The following NLRC5 variants were observed in gnomAD, a reference collection of about 807,000 sequenced individuals.
The protein encoded by NLRC5 is NLR family CARD domain containing 5, also known as protein NLRC5.
In NLRC5, 114 loss-of-function variants were observed where a neutral mutation model predicts 206.9. The observed-to-expected ratio is 0.55, with a 90% CI of 0.47 to 0.64. The LOEUF is 0.64. Among genes scored for constraint, NLRC5 ranks in the 30% least tolerant of loss-of-function variants. The pLI is 0.00. For missense variants in NLRC5, 2,008 were observed against 2,305.5 expected, an observed-to-expected ratio of 0.87 and a Z score of 2.64; for synonymous variants, 952 against 962.8, an observed-to-expected ratio of 0.99 and a Z score of 0.21.
Position 57,047,752 on chromosome 16 carries a change from A to G in NLRC5, c.3422+124A>G, listed in dbSNP as rs1254764577. On this transcript the variant is annotated intron_variant, in intron 23 of 48. Coordinates refer to ENST00000688547, the MANE Select transcript of NLRC5 (RefSeq NM_001384950.1). The stretch of plus-strand genomic sequence containing the variant: ...GATTTCTTCCCACCAGCCCTGCCCC[A>G]TGAGAGTCCCCTGGCCTTTGGTAGA... The G allele has an allele frequency of 8.7e-6, 7 of 804,120 alleles. No homozygotes were observed. In the African/African-American group the frequency reaches 1.0e-4, roughly 12 times the overall value. The allele number at this position is 804,120 out of a possible 1,614,324, so 49.8% of individuals were successfully genotyped here. A position where few individuals can be genotyped will look rare whatever the true frequency, so the allele number is the denominator to read the frequency against.
chr16:57,069,854 G>A lies in NLRC5; in HGVS notation c.4518G>A (p.Val1506=). 2 of 1,604,082 alleles carry A rather than the reference G, an allele frequency of 1.2e-6. No homozygotes were observed. Among genetic ancestry groups the A allele is most frequent in the Non-Finnish European group, 8.5e-7 (1 of 1,176,126 alleles). Residue 1506 remains valine, a synonymous_variant, in exon 37 of 49, where the codon GTG becomes GTA. Coordinates refer to ENST00000688547, the MANE Select transcript of NLRC5 (RefSeq NM_001384950.1). ...CCACCAGGCTGACCTCCAGCTGTGTGAGCACCGAGGGCCTCGCCCACCTGG... is the reference window on the plus strand; with the variant it reads ...CCACCAGGCTGACCTCCAGCTGTGTAAGCACCGAGGGCCTCGCCCACCTGG... ...LKTFRLTSSC[V]STEGLAHLAS...
chr16:57,023,057 C>T (rs1408019883), intron 4 of NLRC5, among the ~76,000 whole-genome samples: 1 of 152,172 alleles, frequency 6.6e-6, no homozygotes, highest in Non-Finnish European at 1.5e-5. Context: ...GAAGTGCTCT[C>T]GAACTGGTTC....
At chr16:57,074,541 C>A in intron 38 of NLRC5, 59 bp from the exon 39 acceptor site, 1 of 1,502,590 alleles carries the variant, frequency 6.7e-7, no homozygotes, top group South Asian at 1.1e-5. Flanking sequence ...CCTCAGACCC[C>A]CAGACTGGAC....
At chr16:56,990,972 G>C (rs7197864) in intron 1 of NLRC5, 1 of 152,164 alleles carries the variant, frequency 6.6e-6, no homozygotes, top group East Asian at 1.9e-4. Flanking sequence ...GTGGACGGCA[G>C]ACAGACTGGG....
chr16:57,006,021 A>G, intron 1 of NLRC5, among the ~76,000 whole-genome samples: 1 of 151,392 alleles, frequency 6.6e-6, no homozygotes, highest in African/African-American at 2.4e-5. Context: ...TTTTTGAGAC[A>G]GGGTCTCACT....
Position 57,076,922 on chromosome 16 carries a change from C to T in NLRC5, c.4835+20C>T, listed in dbSNP as rs754806094. 2 of 1,610,602 alleles carry T rather than the reference C, an allele frequency of 1.2e-6. No individual in the cohort carries two copies. Among genetic ancestry groups the T allele is most frequent in the Non-Finnish European group, 1.7e-6 (2 of 1,177,358 alleles). ...GCTGGAGTGAGTTGCCCATTCTGCC[C>T]CCAGACCCAGGACAATTTTGGCCGG... On this transcript the variant is annotated intron_variant, in intron 40 of 48. Coordinates refer to ENST00000688547, the MANE Select transcript of NLRC5 (RefSeq NM_001384950.1).
chr16:57,016,112 G>A (rs538640172), intron 1 of NLRC5, among the ~76,000 whole-genome samples: 39 of 151,838 alleles, frequency 2.6e-4, no homozygotes, highest in South Asian at 2.3e-3. Context: ...CTACTCGGGA[G>A]GCTGAGGCAT....
At position 57,026,273 on chromosome 16, in the gene NLRC5, C is replaced by G. The variant is rs763365261; in HGVS notation, c.1330C>G (p.Leu444Val). 15 of 1,614,016 alleles carry G rather than the reference C, an allele frequency of 9.3e-6. No individual in the cohort carries two copies. Among genetic ancestry groups the G allele is most frequent in the Non-Finnish European group, 1.3e-5 (15 of 1,180,042 alleles). ...GACTCAGCTCTATATGCAGATGGTG[C>G]TCGCCCTCAGCCCCCCTGGGCACTT... ...NMTQLYMQMV[L>V]ALSPPGHLPT... Residue 444 changes from leucine to valine, a missense_variant, in exon 6 of 49, where the codon CTC becomes GTC. Physicochemically the swap from Leu to Val is conservative, Grantham distance 32. Transcript: ENST00000688547.
At chr16:57,001,805 A>G (rs925027603) in intron 1 of NLRC5, among the ~76,000 whole-genome samples, 1 of 152,314 alleles carries the variant, frequency 6.6e-6, no homozygotes. Context: ...ATTACTGACT[A>G]TAGTTACCCT....
intron 20 of NLRC5, among the ~76,000 whole-genome samples, chr16:57,044,496 G>A (rs1414110966): frequency 1.3e-5 from 2 of 151,936 alleles, no homozygotes; most frequent in Admixed American, 1.3e-4. Flanking sequence ...CTTCCCTAAG[G>A]ACCCCCAAGA....
rs566921102 is a variant in NLRC5 at position 57,039,497 on chromosome 16, G to T, written c.2802-284G>T. On this transcript the variant is annotated intron_variant, in intron 15 of 48. Transcript: ENST00000688547. ...GCACTTTGGGAAGCAAAGGTGGGAG[G>T]ATCACCTGAGCCCAGAAGTTCGAGA... is the stretch of plus-strand genomic sequence containing the variant. Among the ~76,000 whole-genome samples the T allele has an allele frequency of 4.6e-5, 7 of 152,254 alleles. No individual in the cohort carries two copies. The East Asian group carries it at 1.4e-3, about 29-fold the overall frequency.
At chr16:57,060,455 G>A (rs1488437828) in intron 30 of NLRC5, among the ~76,000 whole-genome samples, 3 of 148,682 alleles carry the variant, frequency 2.0e-5, no homozygotes, top group Non-Finnish European at 4.5e-5. Context: ...CACAACACAC[G>A]CACACCACAC....
chr16:57,019,154 G>T (rs562992766), intron 2 of NLRC5, among the ~76,000 whole-genome samples: 5 of 152,232 alleles, frequency 3.3e-5, no homozygotes, highest in African/African-American at 1.2e-4. Context: ...CAGCACTTTG[G>T]GAGGCCGAGG....
intron 48 of NLRC5, 83 bp from the exon 49 acceptor site, chr16:57,082,334 T>C (rs745721145): frequency 3.0e-5 from 33 of 1,093,816 alleles, no homozygotes; most frequent in Non-Finnish European, 4.1e-5. Flanking sequence ...CTCTACCTTT[T>C]TGGGCCTCAG....
intron 8 of NLRC5, among the ~76,000 whole-genome samples, chr16:57,028,604 C>T (rs1567559980): frequency 6.6e-6 from 1 of 152,238 alleles, no homozygotes. Context: ...ATATTTTAGA[C>T]TGTCTTGGAG....
intron 33 of NLRC5, among the ~76,000 whole-genome samples, chr16:57,065,750 A>T (rs1296676521): frequency 6.6e-6 from 1 of 152,158 alleles, no homozygotes; most frequent in African/African-American, 2.4e-5. Flanking sequence ...TCTGACCTCA[A>T]CCTCCTGCTC....
rs1453358907 is a variant in NLRC5, at chr16:57,026,004, G to A, written c.1061G>A (p.Cys354Tyr). The A allele has an allele frequency of 6.2e-7, 1 of 1,614,026 alleles. No homozygotes were observed. The highest frequency in any genetic ancestry group is 1.1e-5 in the South Asian group (1 of 91,090). ...ATSRPGKLPA[C>Y]LPAEAAMVHM... ...TCCCGTCCAGGGAAGCTGCCTGCCT[G>A]CCTGCCTGCAGAGGCAGCCATGGTC... The change falls in exon 6 of 49, where the codon TGC (cysteine) becomes TAC (tyrosine). Residue 354 changes from cysteine to tyrosine, a missense_variant. Coordinates refer to ENST00000688547, the MANE Select transcript of NLRC5 (RefSeq NM_001384950.1).
At chr16:57,033,880 G>A (rs145869052) in intron 12 of NLRC5, among the ~76,000 whole-genome samples, 6 of 152,178 alleles carry the variant, frequency 3.9e-5, no homozygotes, top group South Asian at 4.1e-4. Context: ...TAATGGAACC[G>A]GCTATCTATA....
chr16:57,082,414 C>T lies in NLRC5; in HGVS notation c.5490-3C>T. 6.2e-7 allele frequency: 1 copy of T among 1,607,348 alleles called. No individual in the cohort carries two copies. Among genetic ancestry groups the T allele is most frequent in the Non-Finnish European group, 8.5e-7 (1 of 1,174,938 alleles). On this transcript the variant is annotated splice_polypyrimidine_tract_variant and splice_region_variant and intron_variant, in intron 48 of 48. Coordinates refer to ENST00000688547, the MANE Select transcript of NLRC5 (RefSeq NM_001384950.1). The stretch of plus-strand genomic sequence containing the variant: ...AATGAGTGCCTATATCTGTGCCCCA[C>T]AGCCTCTGGAATAACCCCATTCCCT...
Sources: gnomAD v4.1 joint callset for allele counts (sites outside exome capture counted in the v4.1 genomes callset) on GRCh38, gnomAD v4.1.1 for gene constraint, MANE v1.5 for transcripts, NCBI Gene and HGNC (gene_info 2026-07-23, HGNC 2026-07-21) for gene names.